Variants in LHFPL3 observed in about 807,000 individuals in gnomAD.
LHFPL3 encodes LHFPL tetraspan subfamily member 3.
In LHFPL3, 5 loss-of-function variants were observed where a neutral mutation model predicts 19.3. That is an observed-to-expected ratio of 0.26 (90% CI 0.14 to 0.54). The LOEUF is 0.54. Among genes scored for constraint, LHFPL3 ranks in the 20% least tolerant of loss-of-function variants. LHFPL3 has a pLI of 0.94. For synonymous variants in LHFPL3, 133 were observed against 126.2 expected, an observed-to-expected ratio of 1.05 and a Z score of -0.36; for missense variants, 249 against 307.4, an observed-to-expected ratio of 0.81 and a Z score of 1.42.
At chr7:104,699,936 T>A (rs1396471247) in intron 1 of LHFPL3, among the ~76,000 whole-genome samples, 1 of 152,192 alleles carries the variant, frequency 6.6e-6, no homozygotes, top group African/African-American at 2.4e-5. Context: ...CTTCCTCTGA[T>A]GAATAGGCCC....
Position 104,364,335 on chromosome 7 carries a change from A to G in LHFPL3, c.445+35111A>G, listed in dbSNP as rs570482258. Among the ~76,000 whole-genome samples, 18 of 152,316 alleles carry G rather than the reference A, an allele frequency of 1.2e-4. No individual in the cohort carries two copies. In the South Asian group the frequency reaches 3.7e-3, roughly 32 times the overall value. The stretch of plus-strand genomic sequence containing the variant: ...AGCAAATTCTTTTGTTGTGGACTGC[A>G]TTTTCTCTGTGAGCTGAAAAAGACA... On this transcript the variant is annotated intron_variant, in intron 1 of 2. Coordinates refer to ENST00000424859, the MANE Select transcript of LHFPL3 (RefSeq NM_199000.3).
At chr7:104,601,858 G>C (rs1280352642) in intron 1 of LHFPL3, among the ~76,000 whole-genome samples, 1 of 152,076 alleles carries the variant, frequency 6.6e-6, no homozygotes, top group African/African-American at 2.4e-5. Flanking sequence ...TTGTTCCATG[G>C]TTCCCCACAT....
At chr7:104,728,907 C>T (rs1387751366) in intron 1 of LHFPL3, among the ~76,000 whole-genome samples, 2 of 152,094 alleles carry the variant, frequency 1.3e-5, no homozygotes, top group African/African-American at 4.8e-5. Context: ...AATGGATGAG[C>T]CCACTTGTTC....
At chr7:104,404,113 G>GA (rs562494101) in intron 1 of LHFPL3, among the ~76,000 whole-genome samples, 24 of 152,240 alleles carry the variant, frequency 1.6e-4, no homozygotes, top group African/African-American at 3.9e-4. Flanking sequence ...GCCCTTTACA[G>GA]AAAAAACTTG....
At chr7:104,569,874 C>G (rs1206412896) in intron 1 of LHFPL3, among the ~76,000 whole-genome samples, 3 of 152,186 alleles carry the variant, frequency 2.0e-5, no homozygotes, top group Non-Finnish European at 2.9e-5. Flanking sequence ...ACACCAGAGG[C>G]TATATGCTCA....
chr7:104,709,767 C>T (rs1360126308), intron 1 of LHFPL3, among the ~76,000 whole-genome samples: 4 of 150,684 alleles, frequency 2.7e-5, no homozygotes, highest in South Asian at 2.1e-4. Context: ...GACGGGGTGG[C>T]GGCCGGGCAG....
intron 2 of LHFPL3, among the ~76,000 whole-genome samples, chr7:104,775,687 A>C (rs1584527842): frequency 6.6e-6 from 1 of 152,188 alleles, no homozygotes; most frequent in East Asian, 1.9e-4. Flanking sequence ...CCCTGAAGCA[A>C]GCAGCCACTG....
chr7:104,880,533 C>T (rs1792027927), intron 2 of LHFPL3, among the ~76,000 whole-genome samples: 1 of 152,266 alleles, frequency 6.6e-6, no homozygotes, highest in Admixed American at 6.5e-5. Flanking sequence ...TTCTGAAAAT[C>T]TTAGGGTCCT....
chr7:104,737,556 C>A (rs1793852412), intron 2 of LHFPL3, among the ~76,000 whole-genome samples: 1 of 152,168 alleles, frequency 6.6e-6, no homozygotes, highest in Non-Finnish European at 1.5e-5. Context: ...AGAACATTGA[C>A]TATTGAATGA....
At chr7:104,549,812 C>T (rs1338239888) in intron 1 of LHFPL3, among the ~76,000 whole-genome samples, 3 of 151,978 alleles carry the variant, frequency 2.0e-5, no homozygotes, top group Non-Finnish European at 4.4e-5. Context: ...CCCCTGTGCT[C>T]CTGAAGCTTG....
At chr7:104,381,416 C>A (rs1051486120) in intron 1 of LHFPL3, among the ~76,000 whole-genome samples, 1 of 152,144 alleles carries the variant, frequency 6.6e-6, no homozygotes, top group Non-Finnish European at 1.5e-5. Context: ...AGATCCAAAA[C>A]TATTATCTCT....
intron 1 of LHFPL3, among the ~76,000 whole-genome samples, chr7:104,360,897 GC>G (rs1342075109): frequency 2.0e-5 from 3 of 152,158 alleles, no homozygotes; most frequent in Non-Finnish European, 4.4e-5. Context: ...TAGCCCATGG[GC>G]TAAATTCCTC....
intron 1 of LHFPL3, among the ~76,000 whole-genome samples, chr7:104,625,435 C>A (rs1434381880): frequency 6.6e-6 from 1 of 152,148 alleles, no homozygotes; most frequent in East Asian, 1.9e-4. Context: ...AAAATCCTCC[C>A]ACTCATGGGC....
chr7:104,390,944 G>A (rs145289775), intron 1 of LHFPL3, among the ~76,000 whole-genome samples: 10,066 of 152,272 alleles, frequency 0.066, 356 homozygotes, highest in Middle Eastern at 0.099. Context: ...GTGATGATGA[G>A]CATTTTTTTA....
intron 1 of LHFPL3, among the ~76,000 whole-genome samples, chr7:104,420,554 A>ATTTCT (rs1791708049): frequency 8.9e-6 from 1 of 112,710 alleles, no homozygotes. Flanking sequence ...CAAAGGGTGA[A>ATTTCT]TTTTTTTTTT....
intron 1 of LHFPL3, among the ~76,000 whole-genome samples, chr7:104,358,555 T>C (rs186473177): frequency 1.3e-5 from 2 of 152,318 alleles, no homozygotes; most frequent in East Asian, 1.9e-4. Flanking sequence ...GTACAGCTTA[T>C]AACGTGAGAG....
At chr7:104,450,134 AG>A (rs1407669384) in intron 1 of LHFPL3, among the ~76,000 whole-genome samples, 1 of 152,156 alleles carries the variant, frequency 6.6e-6, no homozygotes, top group African/African-American at 2.4e-5. Flanking sequence ...AGTTTTCCTG[AG>A]GACTCTTAGG....
chr7:104,806,414 A>G (rs563677099), intron 2 of LHFPL3, among the ~76,000 whole-genome samples: 1 of 152,354 alleles, frequency 6.6e-6, no homozygotes, highest in African/African-American at 2.4e-5. Flanking sequence ...AGATTTCTAA[A>G]CCAATAAAGG....
chr7:104,636,679 G>C (rs1228701341), intron 1 of LHFPL3, among the ~76,000 whole-genome samples: 1 of 152,074 alleles, frequency 6.6e-6, no homozygotes, highest in Non-Finnish European at 1.5e-5. Context: ...ATGGCCTCCA[G>C]CTCCCTCTTC....
Sources: gnomAD v4.1 joint callset for allele counts (sites outside exome capture counted in the v4.1 genomes callset) on GRCh38, gnomAD v4.1.1 for gene constraint, MANE v1.5 for transcripts, NCBI Gene and HGNC (gene_info 2026-07-23, HGNC 2026-07-21) for gene names.